SLIT3: variants seen among roughly 807,000 people sequenced by gnomAD.
SLIT3 encodes the protein slit homolog 3 protein.
In SLIT3, 68 loss-of-function variants were observed where a neutral mutation model predicts 184.0. The ratio of observed to expected loss-of-function variants is 0.37; its 90% CI spans 0.30 to 0.45. The LOEUF is 0.45. Ranked by LOEUF, SLIT3 falls within the 20% of genes least tolerant of loss-of-function variation. SLIT3 has a pLI of 1.00. For synonymous variants in SLIT3, 831 were observed against 828.6 expected (o/e 1.00, Z -0.05); for missense variants, 1,707 against 2,026.0 (o/e 0.84, Z 3.02).
chr5:168,978,909 A>G (rs980626708), intron 4 of SLIT3, among the ~76,000 whole-genome samples: 1 of 53,934 alleles, frequency 1.9e-5, no homozygotes, highest in Non-Finnish European at 3.4e-5. Flanking sequence ...TGGGGAGCTC[A>G]TTTCAGGGGG....
chr5:169,124,769 T>C (rs1761013119), intron 4 of SLIT3, among the ~76,000 whole-genome samples: 1 of 152,198 alleles, frequency 6.6e-6, no homozygotes, highest in Non-Finnish European at 1.5e-5. Context: ...CTTTCTATTC[T>C]TCTTTTTAAA....
At position 168,811,539 on chromosome 5, in the gene SLIT3, G is replaced by T. The variant is rs151001870; in HGVS notation, c.794-4952C>A. On this transcript the variant is annotated intron_variant, in intron 8 of 35. Coordinates refer to ENST00000519560, the MANE Select transcript of SLIT3 (RefSeq NM_003062.4). The stretch of plus-strand genomic sequence containing the variant: ...CATCAGAGCCTTGGAATCTCAAGAG[G>T]TAGGAAGAGCAGGCTCAGGGACTGA... 3.0e-3 allele frequency among the ~76,000 whole-genome samples: 454 copies of T among 152,310 alleles called. 1 individual carries two copies. The highest frequency in any genetic ancestry group is 9.9e-3 in the African/African-American group (410 of 41,564).
chr5:168,976,699 A>T (rs1754775519), intron 4 of SLIT3, among the ~76,000 whole-genome samples: 1 of 152,200 alleles, frequency 6.6e-6, no homozygotes, highest in African/African-American at 2.4e-5. Context: ...TTCCAGGAAG[A>T]CAGATCAGTG....
intron 4 of SLIT3, among the ~76,000 whole-genome samples, chr5:169,112,194 T>C (rs916745281): frequency 4.6e-5 from 7 of 152,340 alleles, no homozygotes; most frequent in Admixed American, 1.3e-4. Context: ...ACCGGGGCTA[T>C]GCACAGTAGC....
chr5:169,076,126 G>A (rs953415902), intron 4 of SLIT3, among the ~76,000 whole-genome samples: 6 of 152,238 alleles, frequency 3.9e-5, no homozygotes, highest in Admixed American at 3.9e-4. Flanking sequence ...TGGAGAAGAT[G>A]GGCCTGGTGG....
chr5:168,740,939 T>C (rs1294285377), intron 20 of SLIT3, among the ~76,000 whole-genome samples: 1 of 152,096 alleles, frequency 6.6e-6, no homozygotes, highest in African/African-American at 2.4e-5. Context: ...TATAACTGGG[T>C]CATTCTCTGC....
chr5:168,671,269 C>T lies in SLIT3; in HGVS notation c.4056G>A (p.Val1352=), dbSNP rs1761231731. The change falls in exon 34 of 36, where the codon GTG becomes GTA. Residue 1352 remains valine (V), a synonymous_variant. Transcript: ENST00000519560. ...LCRSVEKDSV[V]CECRPGWTGP... is the part of the protein sequence containing the mutation. The stretch of plus-strand genomic sequence containing the variant: ...CGGTCCAGCCTGGGCGGCACTCGCA[C>T]ACCACGCTGTCCTTCTCCACGGAGC... 6.2e-7 allele frequency: 1 copy of T among 1,613,682 alleles called. No individual in the cohort carries two copies. The highest frequency in any genetic ancestry group is 1.1e-5 in the South Asian group (1 of 91,058).
chr5:168,782,446 G>A (rs7720465), intron 12 of SLIT3, among the ~76,000 whole-genome samples: 24,097 of 152,128 alleles, frequency 0.16, 2,332 homozygotes, highest in African/African-American at 0.28. Context: ...TTGGGAGGAG[G>A]GACCTCTGAG....
chr5:168,982,450 C>T (rs898873903), intron 4 of SLIT3, among the ~76,000 whole-genome samples: 1 of 152,182 alleles, frequency 6.6e-6, no homozygotes, highest in Non-Finnish European at 1.5e-5. Context: ...CCTTGGACTT[C>T]CCAGCCTCCA....
chr5:168,957,297 C>A (rs1762858765), intron 4 of SLIT3, among the ~76,000 whole-genome samples: 1 of 151,864 alleles, frequency 6.6e-6, no homozygotes, highest in Admixed American at 6.6e-5. Flanking sequence ...AACTCCTGAC[C>A]TCAAGTGATC....
intron 31 of SLIT3, 23 bp downstream of exon 31, chr5:168,685,664 G>T: frequency 6.6e-7 from 1 of 1,518,534 alleles, no homozygotes; most frequent in Non-Finnish European, 8.8e-7. Flanking sequence ...GTCCTTCCAA[G>T]GGCAGGGCAG....
chr5:169,169,736 A>C (rs547716203), intron 4 of SLIT3, among the ~76,000 whole-genome samples: 65 of 152,354 alleles, frequency 4.3e-4, no homozygotes, highest in African/African-American at 1.5e-3. Flanking sequence ...GAGAAGACTA[A>C]ACTTGAGAGA....
chr5:168,789,255 T>C (rs892974257), intron 11 of SLIT3, among the ~76,000 whole-genome samples: 7 of 1,508 alleles, frequency 4.6e-3, no homozygotes, highest in African/African-American at 0.014. Flanking sequence ...GCATGTGGGG[T>C]GGGAGGGGGA....
At chr5:168,722,227 A>G in intron 23 of SLIT3, 29 bp downstream of exon 23, 1 of 1,605,752 alleles carries the variant, frequency 6.2e-7, no homozygotes, top group Non-Finnish European at 8.5e-7. Flanking sequence ...GCAATGTGTA[A>G]GTCAAAATCA....
intron 4 of SLIT3, among the ~76,000 whole-genome samples, chr5:169,126,719 T>A (rs564628156): frequency 1.6e-4 from 24 of 152,318 alleles, no homozygotes; most frequent in African/African-American, 4.8e-4. Flanking sequence ...TCTGCCAAAT[T>A]GTCTGGATCT....
chr5:168,981,869 A>G (rs556189750), intron 4 of SLIT3, among the ~76,000 whole-genome samples: 15 of 152,318 alleles, frequency 9.8e-5, no homozygotes, highest in South Asian at 6.2e-4. Context: ...GAAGGCTAAG[A>G]ATGGAGTCCC....
chr5:169,097,948 G>T (rs947764110), intron 4 of SLIT3, among the ~76,000 whole-genome samples: 1 of 152,192 alleles, frequency 6.6e-6, no homozygotes. Context: ...CCCCCAGGGA[G>T]CCTGAAGCAG....
Position 168,858,581 on chromosome 5 carries a change from C to A in SLIT3, c.486-13926G>T, listed in dbSNP as rs568706585. On this transcript the variant is annotated intron_variant, in intron 5 of 35. Coordinates refer to ENST00000519560, the MANE Select transcript of SLIT3 (RefSeq NM_003062.4). ...TGGACTCTATCCACAAACTCCCCTG[C>A]AGCAGCGTTGGGCTTACGCGTTGGG... 3.1e-4 allele frequency among the ~76,000 whole-genome samples: 47 copies of A among 152,356 alleles called. No individual in the cohort carries two copies. In the South Asian group the frequency reaches 3.3e-3, roughly 11 times the overall value.
At chr5:168,899,600 A>G (rs1368619365) in intron 4 of SLIT3, among the ~76,000 whole-genome samples, 1 of 152,212 alleles carries the variant, frequency 6.6e-6, no homozygotes, top group Non-Finnish European at 1.5e-5. Context: ...CCAATAAATC[A>G]GAGACAGAAT....
Sources: allele counts gnomAD v4.1 joint callset (sites outside exome capture counted in the v4.1 genomes callset), GRCh38; gene constraint gnomAD v4.1.1; transcripts MANE v1.5; gene names NCBI Gene and HGNC (gene_info 2026-07-23, HGNC 2026-07-21).